Variants in CPEB1 observed in about 807,000 individuals in gnomAD.
The protein encoded by CPEB1 is cytoplasmic polyadenylation element-binding protein 1.
Under a neutral mutation model 65.8 loss-of-function variants are expected in CPEB1, and 7 were observed. That is an observed-to-expected ratio of 0.11 (90% confidence interval 0.06 to 0.20). The LOEUF (loss-of-function observed/expected upper bound fraction) is 0.20. Ranked by LOEUF, CPEB1 falls within the 10% of genes least tolerant of loss-of-function variation. The pLI is 1.00. For synonymous variants in CPEB1, 262 were observed against 260.0 expected (o/e 1.01, Z -0.08); for missense variants, 551 against 712.2 (o/e 0.77, Z 2.58).
At chr15:82,625,516 A>G (rs1267803939) in intron 3 of CPEB1, among the ~76,000 whole-genome samples, 1 of 152,214 alleles carries the variant, frequency 6.6e-6, no homozygotes, top group African/African-American at 2.4e-5. Flanking sequence ...TGGTATATGT[A>G]GGGAATTGGT....
chr15:82,571,888 GGGA>G, intron 3 of CPEB1: 1 of 1,040,750 alleles, frequency 9.6e-7, no homozygotes, highest in Non-Finnish European at 1.2e-6. Context: ...GGGGACGACA[GGGA>G]GGAGACTTGC....
rs555617718 is a variant in CPEB1, at chr15:82,594,287, C to T, written c.272-22755G>A. ...TTCTGGGTAACTTGCTGCAGCTTCT[C>T]CATCAGCACTTGCTGCTTCATCTTG... On this transcript the variant is annotated intron_variant, in intron 3 of 12. Transcript: ENST00000684509. Among the ~76,000 whole-genome samples, 9 of 152,276 alleles carry T rather than the reference C, an allele frequency of 5.9e-5. No individual in the cohort carries two copies. The South Asian group carries it at 1.9e-3, about 32-fold the overall frequency.
intron 10 of CPEB1, chr15:82,548,697 G>A (rs1435596362): frequency 2.2e-6 from 1 of 455,798 alleles, no homozygotes; most frequent in Non-Finnish European, 4.4e-6. Flanking sequence ...GCTGGAAGAA[G>A]CCCCATCCTG....
At chr15:82,634,640 G>A (rs747716564) in intron 1 of CPEB1, among the ~76,000 whole-genome samples, 5 of 152,178 alleles carry the variant, frequency 3.3e-5, no homozygotes, top group Non-Finnish European at 7.3e-5. Context: ...TAAAACTGGG[G>A]TCCCATGGAT....
chr15:82,617,618 A>G (rs2044846401), intron 3 of CPEB1, among the ~76,000 whole-genome samples: 1 of 152,132 alleles, frequency 6.6e-6, no homozygotes, highest in Admixed American at 6.6e-5. Context: ...ATGCACAATA[A>G]TAATGTAAGT....
At chr15:82,552,030 G>C (rs1457917924) in intron 9 of CPEB1, among the ~76,000 whole-genome samples, 3 of 152,310 alleles carry the variant, frequency 2.0e-5, no homozygotes, top group Middle Eastern at 6.8e-3. Context: ...CCACAGGTGG[G>C]TGTGGGCTAA....
At chr15:82,624,906 C>A (rs2045627195) in intron 3 of CPEB1, among the ~76,000 whole-genome samples, 1 of 152,022 alleles carries the variant, frequency 6.6e-6, no homozygotes, top group Non-Finnish European at 1.5e-5. Flanking sequence ...GCCACAACCA[C>A]AGTTCACCGC....
At chr15:82,625,036 T>C (rs893945633) in intron 3 of CPEB1, among the ~76,000 whole-genome samples, 1 of 152,188 alleles carries the variant, frequency 6.6e-6, no homozygotes, top group Non-Finnish European at 1.5e-5. Flanking sequence ...TTTCACCATG[T>C]TGCCCAGGCT....
intron 1 of CPEB1, among the ~76,000 whole-genome samples, chr15:82,631,233 G>C (rs1276869082): frequency 6.6e-6 from 1 of 152,088 alleles, no homozygotes; most frequent in Non-Finnish European, 1.5e-5. Context: ...AATCCTGTTA[G>C]GAACATACAC....
intron 3 of CPEB1, among the ~76,000 whole-genome samples, chr15:82,614,879 G>GTGTGTA (rs368957489): frequency 1.4e-3 from 159 of 113,314 alleles, no homozygotes; most frequent in Non-Finnish European, 1.8e-3. Flanking sequence ...GTGTGTGTGT[G>GTGTGTA]TATATATATA....
intron 1 of CPEB1, among the ~76,000 whole-genome samples, chr15:82,639,161 CT>C (rs1184554920): frequency 1.3e-5 from 2 of 152,214 alleles, no homozygotes; most frequent in Non-Finnish European, 2.9e-5. Flanking sequence ...ATATAAAACC[CT>C]TCATGGTCCG....
intron 3 of CPEB1, among the ~76,000 whole-genome samples, chr15:82,577,698 AT>A (rs1227809883): frequency 1.3e-5 from 2 of 151,848 alleles, no homozygotes; most frequent in South Asian, 2.1e-4. Flanking sequence ...TGGGAAGTAT[AT>A]TTTTGTAAAG....
chr15:82,622,570 T>G (rs1480929204), intron 3 of CPEB1, among the ~76,000 whole-genome samples: 1 of 152,106 alleles, frequency 6.6e-6, no homozygotes, highest in African/African-American at 2.4e-5. Flanking sequence ...TTTTCTATTT[T>G]TAATAGAGAC....
intron 3 of CPEB1, among the ~76,000 whole-genome samples, chr15:82,610,418 T>C (rs1328059795): frequency 6.6e-6 from 1 of 152,134 alleles, no homozygotes; most frequent in Non-Finnish European, 1.5e-5. Context: ...AACAAAATCA[T>C]AGACCTATCT....
chr15:82,618,033 C>T (rs2044918626), intron 3 of CPEB1, among the ~76,000 whole-genome samples: 1 of 151,694 alleles, frequency 6.6e-6, no homozygotes, highest in Non-Finnish European at 1.5e-5. Flanking sequence ...ATTTTATTAA[C>T]TTTTGTAACT....
intron 6 of CPEB1, among the ~76,000 whole-genome samples, chr15:82,554,597 G>A (rs1302810376): frequency 6.6e-6 from 1 of 152,186 alleles, no homozygotes; most frequent in Non-Finnish European, 1.5e-5. Context: ...CTTGATGCCA[G>A]CATGGTAACG....
chr15:82,628,648 A>G lies in CPEB1; in HGVS notation c.-97-92T>C, dbSNP rs1032387393. On this transcript the variant is annotated intron_variant, in intron 1 of 12. Coordinates refer to ENST00000684509, the MANE Select transcript of CPEB1 (RefSeq NM_001365242.1). ...AAAGTCAGACAGAAATTATTTCTGT[A>G]AAGTTACACTGACTGTGCCTGCTTC... 5.3e-5 allele frequency: 31 copies of G among 584,232 alleles called. 1 individual carries two copies. Among genetic ancestry groups the G allele is most frequent in the African/African-American group, 3.9e-4 (21 of 53,706 alleles). The allele number at this position is 584,232 out of a possible 1,614,324, so 36.2% of individuals were successfully genotyped here.
intron 3 of CPEB1, among the ~76,000 whole-genome samples, chr15:82,582,624 C>A (rs2041389916): frequency 2.0e-5 from 3 of 152,092 alleles, no homozygotes; most frequent in Admixed American, 2.0e-4. Context: ...GGTCTACACT[C>A]ATACATAATA....
At chr15:82,640,360 G>A (rs2047008296) in intron 1 of CPEB1, among the ~76,000 whole-genome samples, 1 of 152,136 alleles carries the variant, frequency 6.6e-6, no homozygotes, top group South Asian at 2.1e-4. Flanking sequence ...ATACTCATAT[G>A]TGCTCATTTC....
Sources: gnomAD v4.1 joint callset for allele counts (sites outside exome capture counted in the v4.1 genomes callset) on GRCh38, gnomAD v4.1.1 for gene constraint, MANE v1.5 for transcripts, NCBI Gene and HGNC (gene_info 2026-07-23, HGNC 2026-07-21) for gene names.